AKAP10: variants seen among roughly 807,000 people sequenced by gnomAD.
The protein encoded by AKAP10 is A-kinase anchoring protein 10.
Under a neutral mutation model 80.8 loss-of-function variants are expected in AKAP10, and 24 were observed. That is an observed-to-expected ratio of 0.30 (90% CI 0.22 to 0.42). The LOEUF is 0.42. Ranked by LOEUF, AKAP10 falls within the 10% of genes least tolerant of loss-of-function variation. The pLI is 1.00. For synonymous variants in AKAP10, 291 were observed against 277.7 expected (o/e 1.05, Z -0.48); for missense variants, 661 against 794.9 (o/e 0.83, Z 2.03).
At chr17:19,950,882 G>A (rs1289150778) in intron 4 of AKAP10, among the ~76,000 whole-genome samples, 1 of 151,588 alleles carries the variant, frequency 6.6e-6, no homozygotes, top group Non-Finnish European at 1.5e-5. Flanking sequence ...CTGCCCGGCA[G>A]CCCATCGTCT....
intron 4 of AKAP10, among the ~76,000 whole-genome samples, chr17:19,956,922 A>C (rs1368144387): frequency 6.6e-6 from 1 of 151,596 alleles, no homozygotes; most frequent in African/African-American, 2.4e-5. Flanking sequence ...GGAAGGAAGG[A>C]GGGAGGGAGG....
intron 1 of AKAP10, among the ~76,000 whole-genome samples, chr17:19,973,066 G>A (rs2043519939): frequency 6.6e-6 from 1 of 152,150 alleles, no homozygotes; most frequent in South Asian, 2.1e-4. Context: ...TGCAACCTCT[G>A]CCTCCTGGGT....
chr17:19,911,327 C>T (rs921355063), intron 12 of AKAP10, among the ~76,000 whole-genome samples: 3 of 152,182 alleles, frequency 2.0e-5, no homozygotes, highest in African/African-American at 7.2e-5. Context: ...ATGAAATCTG[C>T]CACCAAATTT....
In AKAP10 at chr17:19,931,690, T is replaced by A. The variant is rs972045228; in HGVS notation, c.1641+115A>T. 9 of 1,291,220 alleles carry A rather than the reference T, an allele frequency of 7.0e-6. No individual in the cohort carries two copies. In the African/African-American group the frequency reaches 1.4e-4, roughly 20 times the overall value. 80.0% of individuals were successfully genotyped at this position (1,291,220 alleles called of 1,614,324 possible). ...ACAGGCACAGGCCACTGTGCCTGGC[T>A]TTTATCTTTTTTTTCCACAACTTAA... On this transcript the variant is annotated intron_variant, in intron 10 of 14. Coordinates refer to ENST00000225737, the MANE Select transcript of AKAP10 (RefSeq NM_007202.4).
At chr17:19,971,674 T>C (rs780825524) in intron 1 of AKAP10, among the ~76,000 whole-genome samples, 31 of 152,260 alleles carry the variant, frequency 2.0e-4, no homozygotes, top group Admixed American at 9.8e-4. Context: ...TTTACTCATT[T>C]TCCTGTTAAT....
intron 4 of AKAP10, among the ~76,000 whole-genome samples, chr17:19,951,489 A>C (rs1212619824): frequency 6.6e-6 from 1 of 152,242 alleles, no homozygotes; most frequent in Non-Finnish European, 1.5e-5. Context: ...GAGAGATCAG[A>C]TTGTTACTGT....
chr17:19,922,518 T>A (rs2042828981), intron 11 of AKAP10, among the ~76,000 whole-genome samples: 1 of 152,168 alleles, frequency 6.6e-6, no homozygotes, highest in Non-Finnish European at 1.5e-5. Context: ...AGTGCTGGGA[T>A]TACAAGTGTG....
rs757472181 is a variant in AKAP10 at position 19,904,653 on chromosome 17, T to C, written c.*1574A>G. On this transcript the variant is annotated 3_prime_UTR_variant, in exon 15 of 15. Transcript: ENST00000225737. ...ACTTCAAACACAAGGCAAAGTCCAG[T>C]AGTGGCTCATGTTCTGGGTTTTTAG... The C allele has an allele frequency of 3.3e-5, 5 of 152,182 alleles. No individual in the cohort carries two copies. Among genetic ancestry groups the C allele is most frequent in the Non-Finnish European group, 7.4e-5 (5 of 68,024 alleles). 9.4% of individuals were successfully genotyped at this position (152,182 alleles called of 1,614,324 possible).
At chr17:19,933,030 T>C (rs1258306141) in intron 9 of AKAP10, among the ~76,000 whole-genome samples, 4 of 152,154 alleles carry the variant, frequency 2.6e-5, no homozygotes, top group Admixed American at 2.6e-4. Flanking sequence ...TTGTTTTTGT[T>C]TTTTTGAGAC....
intron 4 of AKAP10, among the ~76,000 whole-genome samples, chr17:19,948,478 C>G (rs2043160522): frequency 6.6e-6 from 1 of 152,084 alleles, no homozygotes; most frequent in African/African-American, 2.4e-5. Flanking sequence ...CAGGCAGCAT[C>G]AGAGCAGCCA....
intron 8 of AKAP10, among the ~76,000 whole-genome samples, chr17:19,938,865 T>C (rs1285300781): frequency 6.6e-6 from 1 of 151,848 alleles, no homozygotes; most frequent in Non-Finnish European, 1.5e-5. Flanking sequence ...CCTAAGTAGC[T>C]AGGACAACAG....
At chr17:19,959,439 T>C (rs1002676248) in intron 3 of AKAP10, among the ~76,000 whole-genome samples, 7 of 152,202 alleles carry the variant, frequency 4.6e-5, no homozygotes, top group African/African-American at 1.2e-4. Context: ...CAAACTGCAT[T>C]ATTTTCAGTC....
At chr17:19,959,058 G>A (rs2043318084) in intron 3 of AKAP10, among the ~76,000 whole-genome samples, 2 of 151,646 alleles carry the variant, frequency 1.3e-5, no homozygotes, top group South Asian at 4.2e-4. Context: ...TCACCATGTT[G>A]GTCAGGATGG....
chr17:19,965,585 T>G (rs73296051), intron 2 of AKAP10, among the ~76,000 whole-genome samples: 2,896 of 152,290 alleles, frequency 0.019, 75 homozygotes, highest in African/African-American at 0.065. Context: ...TATCCTCAAA[T>G]AAGAAGCTGG....
intron 10 of AKAP10, among the ~76,000 whole-genome samples, chr17:19,927,880 A>C (rs1195489250): frequency 6.6e-6 from 1 of 151,888 alleles, no homozygotes; most frequent in East Asian, 1.9e-4. Context: ...ATTGCACTCC[A>C]GCCTGGGCAA....
chr17:19,946,241 A>ATATATATATATATAT (rs2043115757), intron 5 of AKAP10, among the ~76,000 whole-genome samples: 1 of 10,758 alleles, frequency 9.3e-5, no homozygotes, highest in African/African-American at 6.2e-4. Flanking sequence ...TATATATTAT[A>ATATATATATATATAT]TATATATATA....
In AKAP10 at chr17:19,977,699, TC is replaced by T; in HGVS notation, c.-21del. 1 of 1,231,634 alleles carries T rather than the reference TC, an allele frequency of 8.1e-7. No homozygotes were observed. Among genetic ancestry groups the T allele is most frequent in the Non-Finnish European group, 1.0e-6 (1 of 984,262 alleles). The allele number at this position is 1,231,634 out of a possible 1,614,324, so 76.3% of individuals were successfully genotyped here. A position where few individuals can be genotyped will look rare whatever the true frequency, so the allele number is the denominator to read the frequency against. ...CCTCATTCAGCAACCGGCCCGGACTTCCGGGTCCAGAGGGGCCGCTGCACTA... is the reference window on the plus strand; with the variant it reads ...CCTCATTCAGCAACCGGCCCGGACTTCGGGTCCAGAGGGGCCGCTGCACTA... On this transcript the variant is annotated 5_prime_UTR_variant, in exon 1 of 15. Transcript: ENST00000225737.
chr17:19,929,089 A>G (rs1270726772), intron 10 of AKAP10, among the ~76,000 whole-genome samples: 1 of 152,202 alleles, frequency 6.6e-6, no homozygotes, highest in Non-Finnish European at 1.5e-5. Flanking sequence ...TAAGTGAAAG[A>G]CAGTTGGCAA....
chr17:19,916,939 AAAATAAATAAAT>A (rs753215350), intron 12 of AKAP10, among the ~76,000 whole-genome samples: 11 of 142,746 alleles, frequency 7.7e-5, no homozygotes, highest in African/African-American at 2.9e-4. Flanking sequence ...TCTGTCTCAA[AAAATAAATAAAT>A]AAATAAATAA....
Sources: gnomAD v4.1 joint callset for allele counts (sites outside exome capture counted in the v4.1 genomes callset) on GRCh38, gnomAD v4.1.1 for gene constraint, MANE v1.5 for transcripts, NCBI Gene and HGNC (gene_info 2026-07-23, HGNC 2026-07-21) for gene names.